CNOT4: variants seen among roughly 807,000 people sequenced by gnomAD.
CNOT4 encodes CCR4-associated factor 4.
A neutral mutation model predicts 73.8 loss-of-function variants in CNOT4; 8 were observed. The ratio of observed to expected loss-of-function variants is 0.11; its 90% CI spans 0.06 to 0.20. The LOEUF (loss-of-function observed/expected upper bound fraction) is 0.20. CNOT4 is among the 10% of genes least tolerant of loss of function. The pLI, the probability that CNOT4 is intolerant of heterozygous loss-of-function variation, is 1.00. For synonymous variants in CNOT4, 293 were observed against 321.1 expected (o/e 0.91, Z 0.94); for missense variants, 564 against 883.4 (o/e 0.64, Z 4.58).
intron 7 of CNOT4, among the ~76,000 whole-genome samples, chr7:135,404,852 G>A (rs914236450): frequency 2.0e-5 from 3 of 152,114 alleles, no homozygotes; most frequent in South Asian, 2.1e-4. Context: ...GGGAAAGTTT[G>A]CTAAAAATAA....
intron 1 of CNOT4, among the ~76,000 whole-genome samples, chr7:135,493,156 T>A (rs1414013006): frequency 6.6e-6 from 1 of 152,010 alleles, no homozygotes; most frequent in African/African-American, 2.4e-5. Context: ...TCAAATGGAG[T>A]AGGTCAGAGC....
At chr7:135,402,094 T>C in intron 7 of CNOT4, among the ~76,000 whole-genome samples, 1 of 151,400 alleles carries the variant, frequency 6.6e-6, no homozygotes, top group East Asian at 1.9e-4. Flanking sequence ...GTTTTAAAAA[T>C]CCATGGTAAG....
intron 1 of CNOT4, among the ~76,000 whole-genome samples, chr7:135,465,656 T>C (rs1182561534): frequency 6.6e-6 from 1 of 151,818 alleles, no homozygotes; most frequent in Non-Finnish European, 1.5e-5. Flanking sequence ...GGACAAGATA[T>C]GGAGGTGGAA....
chr7:135,471,123 TG>T (rs1182732008), intron 1 of CNOT4, among the ~76,000 whole-genome samples: 1 of 152,026 alleles, frequency 6.6e-6, no homozygotes, highest in East Asian at 1.9e-4. Context: ...CACCCAACAG[TG>T]GGTTGAGGGA....
intron 10 of CNOT4, chr7:135,388,687 C>T (rs1796245954): frequency 1.4e-6 from 2 of 1,402,812 alleles, no homozygotes; most frequent in Admixed American, 2.4e-5. Flanking sequence ...TTTATATTGG[C>T]TCTTCTGGGT....
chr7:135,371,985 G>A lies in CNOT4; in HGVS notation c.1628-7919C>T, dbSNP rs3812273. Among the ~76,000 whole-genome samples the A allele has an allele frequency of 2.2e-3, 340 of 152,268 alleles. 12 individuals are homozygous for A. The East Asian group carries it at 0.054, about 24-fold the overall frequency. On this transcript the variant is annotated intron_variant, in intron 10 of 11. Coordinates refer to ENST00000541284, the MANE Select transcript of CNOT4 (RefSeq NM_001190850.2). ...AGTGACCATGAACAAAGCCCTGTGA[G>A]GAGATCCAAAGATGGTCAAGGGAAT...
chr7:135,417,459 T>C (rs191705146), intron 3 of CNOT4, among the ~76,000 whole-genome samples: 50 of 152,356 alleles, frequency 3.3e-4, no homozygotes, highest in African/African-American at 1.2e-3. Flanking sequence ...AGTCATTTCA[T>C]GAAAGTCAAG....
rs368810725 is a variant in CNOT4 at position 135,363,138 on chromosome 7, T to C, written c.1889A>G (p.Asn630Ser). The change falls in exon 12 of 12, where the codon AAT becomes AGT. Residue 630 changes from asparagine to serine, a missense_variant. By Grantham distance (46) the Asn-to-Ser change is conservative. Transcript: ENST00000541284. The surrounding 1 kb of genome is among the most constrained non-coding windows in gnomAD (Gnocchi z 4.3). Reference sequence around the variant, plus strand: ...AAGGGATTTTAGCCAGTGTGGAGGATTGTCATCTTGAAGAGAGTCTAAACT... The same window carrying C: ...AAGGGATTTTAGCCAGTGTGGAGGACTGTCATCTTGAAGAGAGTCTAAACT... ...GNSLDSLQDD[N>S]PPHWLKSLQA... is the part of the protein sequence containing the mutation. The C allele has an allele frequency of 1.6e-4, 263 of 1,613,664 alleles. 2 individuals are homozygous for C. The highest frequency in any genetic ancestry group is 5.1e-4 in the East Asian group (23 of 44,874).
intron 10 of CNOT4, among the ~76,000 whole-genome samples, chr7:135,366,972 A>G (rs1794950313): frequency 6.6e-6 from 1 of 152,116 alleles, no homozygotes; most frequent in Admixed American, 6.6e-5. Context: ...ATTCTTTGAA[A>G]CACATACAGC....
At chr7:135,420,785 G>A (rs937431556) in intron 3 of CNOT4, among the ~76,000 whole-genome samples, 2 of 151,670 alleles carry the variant, frequency 1.3e-5, no homozygotes, top group African/African-American at 4.8e-5. Flanking sequence ...TCAAGGAAAC[G>A]ATCAAAGGTG....
At chr7:135,452,189 T>C (rs945791909) in intron 1 of CNOT4, among the ~76,000 whole-genome samples, 1 of 152,134 alleles carries the variant, frequency 6.6e-6, no homozygotes, top group African/African-American at 2.4e-5. Flanking sequence ...CAGTGAGCTA[T>C]GATCACGTCA....
intron 10 of CNOT4, among the ~76,000 whole-genome samples, chr7:135,373,351 A>T (rs1563011058): frequency 6.6e-6 from 1 of 152,218 alleles, no homozygotes; most frequent in Non-Finnish European, 1.5e-5. Flanking sequence ...TCTTCTAACC[A>T]AAAGGACAGA....
intron 1 of CNOT4, among the ~76,000 whole-genome samples, chr7:135,460,809 T>A (rs571946094): frequency 6.6e-6 from 1 of 152,170 alleles, no homozygotes; most frequent in African/African-American, 2.4e-5. Context: ...ATTAAAGCAG[T>A]ACACAATAAG....
At chr7:135,443,876 C>T (rs940698697) in intron 1 of CNOT4, among the ~76,000 whole-genome samples, 2 of 152,138 alleles carry the variant, frequency 1.3e-5, no homozygotes, top group African/African-American at 4.8e-5. Context: ...AGGCTGGACA[C>T]AATGGCTCAC....
At chr7:135,436,787 T>C (rs1429558426) in intron 2 of CNOT4, among the ~76,000 whole-genome samples, 1 of 151,312 alleles carries the variant, frequency 6.6e-6, no homozygotes, top group Non-Finnish European at 1.5e-5. Flanking sequence ...AATCTAATGA[T>C]AAATAAACAA....
chr7:135,430,844 T>C (rs1468226509), intron 2 of CNOT4, among the ~76,000 whole-genome samples: 2 of 152,136 alleles, frequency 1.3e-5, no homozygotes, highest in Non-Finnish European at 2.9e-5. Context: ...CACAGCAACA[T>C]ACTTAATGAT....
chr7:135,488,544 T>C lies in CNOT4; in HGVS notation c.-93+21345A>G, dbSNP rs189685954. ...GAAATCTTTGAAGAAAAAAAGCTAA[T>C]AGTGGCTGTTAGAGTCTAAGTTTAT... On this transcript the variant is annotated intron_variant, in intron 1 of 11. Coordinates refer to ENST00000541284, the MANE Select transcript of CNOT4 (RefSeq NM_001190850.2). 6.7e-3 allele frequency among the ~76,000 whole-genome samples: 1,015 copies of C among 152,250 alleles called. 8 individuals are homozygous for C. Among genetic ancestry groups the C allele is most frequent in the African/African-American group, 0.023 (959 of 41,532 alleles).
chr7:135,506,360 C>T (rs903879408), intron 1 of CNOT4, among the ~76,000 whole-genome samples: 4 of 152,084 alleles, frequency 2.6e-5, no homozygotes, highest in Non-Finnish European at 5.9e-5. Flanking sequence ...TCTTCAGAAC[C>T]AAATGAGCTG....
At chr7:135,372,364 C>T (rs1353989546) in intron 10 of CNOT4, among the ~76,000 whole-genome samples, 1 of 152,152 alleles carries the variant, frequency 6.6e-6, no homozygotes. Flanking sequence ...CAGGCATCCT[C>T]GCTATTTTGC....
Sources: allele counts gnomAD v4.1 joint callset (sites outside exome capture counted in the v4.1 genomes callset), GRCh38; gene constraint gnomAD v4.1.1; non-coding constraint Gnocchi (gnomAD v3.1); transcripts MANE v1.5; gene names NCBI Gene and HGNC (gene_info 2026-07-23, HGNC 2026-07-21).